FABP2: variants seen among roughly 807,000 people sequenced by gnomAD.
FABP2 encodes fatty acid binding protein 2, also known as fatty acid-binding protein, intestinal.
Under a neutral mutation model 16.1 loss-of-function variants are expected in FABP2, and 11 were observed. That is an observed-to-expected ratio of 0.68 (90% confidence interval 0.43 to 1.13). The LOEUF (loss-of-function observed/expected upper bound fraction) is 1.13, where lower values mean the gene tolerates loss of function less well. Ranked by LOEUF, FABP2 falls within the 50% of genes most tolerant of loss-of-function variation. The pLI is 0.00. For missense variants in FABP2, 146 were observed against 155.1 expected (o/e 0.94, Z 0.31); for synonymous variants, 45 against 50.9 (o/e 0.88, Z 0.49).
rs544830499 is a variant in FABP2, at chr4:119,318,770, A to G, written c.*271T>C. The G allele has an allele frequency of 5.9e-4, 191 of 323,886 alleles. No individual in the cohort carries two copies. Among genetic ancestry groups the G allele is most frequent in the Non-Finnish European group, 4.6e-4 (82 of 177,204 alleles). The allele number at this position is 323,886 out of a possible 1,614,324, so 20.1% of individuals were successfully genotyped here. On this transcript the variant is annotated 3_prime_UTR_variant, in exon 4 of 4. Coordinates refer to ENST00000274024, the MANE Select transcript of FABP2 (RefSeq NM_000134.4). ...ACTTTTTCTTTTAAAAGGCAAGGCT[A>G]CATATAAAGCAACATGGACGCAATA... is the stretch of plus-strand genomic sequence containing the variant.
chr4:119,319,458 C>G, intron 3 of FABP2, 78 bp downstream of exon 3: 1 of 773,700 alleles, frequency 1.3e-6, no homozygotes, highest in South Asian at 1.6e-5. Context: ...TACTGAAGAT[C>G]TGGCTCAGCA....
intron 2 of FABP2, 59 bp downstream of exon 2, chr4:119,320,611 A>G (rs1755650339): frequency 3.0e-6 from 4 of 1,331,604 alleles, no homozygotes; most frequent in East Asian, 5.0e-5. Context: ...AGCAGAAATC[A>G]TTTTAATATT....
At chr4:119,321,375 A>G (rs1211548714) in intron 1 of FABP2, among the ~76,000 whole-genome samples, 1 of 152,120 alleles carries the variant, frequency 6.6e-6, no homozygotes, top group African/African-American at 2.4e-5. Context: ...AGAATCTACA[A>G]CTTTTATAAA....
chr4:119,321,023 G>C (rs1755660916), intron 1 of FABP2, among the ~76,000 whole-genome samples, 181 bp from the exon 2 acceptor site: 1 of 152,082 alleles, frequency 6.6e-6, no homozygotes. Flanking sequence ...CAAGAGAACT[G>C]ATTAAAGTTG....
Position 119,322,024 on chromosome 4 carries a change from T to G in FABP2, c.67+12A>C, listed in dbSNP as rs143646312. 8.7e-6 allele frequency: 14 copies of G among 1,606,326 alleles called. No individual in the cohort carries two copies. The highest frequency in any genetic ancestry group is 1.2e-5 in the Non-Finnish European group (14 of 1,174,614). On this transcript the variant is annotated intron_variant, in intron 1 of 3. Coordinates refer to ENST00000274024, the MANE Select transcript of FABP2 (RefSeq NM_000134.4). ...AAGCAAAGAATGAGCCACAAAGAAA[T>G]AAAGTCTTTACCCATTTTTTCCATG...
Position 119,318,355 on chromosome 4 carries a change from AC to A in FABP2, c.*685del, listed in dbSNP as rs1755612705. 6.6e-6 allele frequency: 1 copy of A among 151,984 alleles called. No individual in the cohort carries two copies. The highest frequency in any genetic ancestry group is 2.1e-4 in the South Asian group (1 of 4,824). 9.4% of individuals were successfully genotyped at this position (151,984 alleles called of 1,614,324 possible). A position where few individuals can be genotyped will look rare whatever the true frequency, so the allele number is the denominator to read the frequency against. On this transcript the variant is annotated 3_prime_UTR_variant, in exon 4 of 4. Coordinates refer to ENST00000274024, the MANE Select transcript of FABP2 (RefSeq NM_000134.4). ...ATTTTTATAATAATAGATATTACTT[AC>A]AACCAGTGCCAGAAAATTATTCACA...
intron 1 of FABP2, among the ~76,000 whole-genome samples, chr4:119,321,104 A>G (rs1269247955): frequency 1.3e-5 from 2 of 152,140 alleles, no homozygotes; most frequent in East Asian, 3.8e-4. Context: ...CAACCTTAAT[A>G]AGATTAACAA....
In FABP2 at chr4:119,319,581, G is replaced by A. The variant is rs142314485; in HGVS notation, c.303C>T (p.Asn101=). The A allele has an allele frequency of 4.5e-5, 69 of 1,549,552 alleles. No homozygotes were observed. Among genetic ancestry groups the A allele is most frequent in the South Asian group, 4.0e-4 (33 of 83,504 alleles). Residue 101 remains asparagine, a synonymous_variant, in exon 3 of 4, where the codon AAC becomes AAT. Transcript: ENST00000274024. ...TAATTTCTCGGACAGTATTCAGTTC[G>A]TTTCCATTGTCTGTCCGTTTGAATT... ...IGKFKRTDNG[N]ELNTVREIIG... is the part of the protein sequence containing the mutation.
intron 1 of FABP2, 45 bp from the exon 2 acceptor site, chr4:119,320,887 G>A (rs1755657942): frequency 2.8e-6 from 4 of 1,444,960 alleles, no homozygotes; most frequent in Non-Finnish European, 2.8e-6. Context: ...AAATCCCATA[G>A]GAAGTGTTTA....
chr4:119,319,773 A>G (rs545904124), intron 2 of FABP2, 130 bp from the exon 3 acceptor site: 1 of 355,350 alleles, frequency 2.8e-6, no homozygotes, highest in African/African-American at 2.1e-5. Context: ...TATGAAACTG[A>G]TACTATTATC....
rs191253153 is a variant in FABP2 at position 119,320,925 on chromosome 4, A to G, written c.68-83T>C. Reference sequence around the variant, plus strand: ...TTTCCAAGTTATGTTTTGTTTGTTTATTTTGAGGGTGGGAAGAAAACTCGG... The same window carrying G: ...TTTCCAAGTTATGTTTTGTTTGTTTGTTTTGAGGGTGGGAAGAAAACTCGG... On this transcript the variant is annotated intron_variant, in intron 1 of 3. Coordinates refer to ENST00000274024, the MANE Select transcript of FABP2 (RefSeq NM_000134.4). 170 of 1,226,000 alleles carry G rather than the reference A, an allele frequency of 1.4e-4. 1 individual carries two copies. The African/African-American group carries it at 2.6e-3, about 18-fold the overall frequency. 75.9% of individuals were successfully genotyped at this position (1,226,000 alleles called of 1,614,324 possible). A position where few individuals can be genotyped will look rare whatever the true frequency, so the allele number is the denominator to read the frequency against.
chr4:119,318,017 T>C lies in FABP2; in HGVS notation c.*1024A>G, dbSNP rs1306581975. On this transcript the variant is annotated 3_prime_UTR_variant, in exon 4 of 4. Transcript: ENST00000274024. ...GGTTCTATTAGCGATTCTGATATAATAGAATAACAGTGGAGATTAAGAATG... is the reference window on the plus strand; with the variant it reads ...GGTTCTATTAGCGATTCTGATATAACAGAATAACAGTGGAGATTAAGAATG... The C allele has an allele frequency of 6.6e-6, 1 of 152,098 alleles. No homozygotes were observed. The highest frequency in any genetic ancestry group is 1.5e-5 in the Non-Finnish European group (1 of 67,982). 9.4% of individuals were successfully genotyped at this position (152,098 alleles called of 1,614,324 possible). A position where few individuals can be genotyped will look rare whatever the true frequency, so the allele number is the denominator to read the frequency against.
chr4:119,318,243 G>A lies in FABP2; in HGVS notation c.*798C>T, dbSNP rs1755611275. 1 of 151,980 alleles carries A rather than the reference G, an allele frequency of 6.6e-6. No individual in the cohort carries two copies. Among genetic ancestry groups the A allele is most frequent in the African/African-American group, 2.4e-5 (1 of 41,394 alleles). 9.4% of individuals were successfully genotyped at this position (151,980 alleles called of 1,614,324 possible). ...AGAGGATATCTATCAAAATCAGAATGGCAATTATCTCTGGATTATGAGTTA... is the reference window on the plus strand; with the variant it reads ...AGAGGATATCTATCAAAATCAGAATAGCAATTATCTCTGGATTATGAGTTA... On this transcript the variant is annotated 3_prime_UTR_variant, in exon 4 of 4. Transcript: ENST00000274024.
Position 119,319,075 on chromosome 4 carries a change from C to G in FABP2, c.365G>C (p.Gly122Ala), listed in dbSNP as rs777692826. The change falls in exon 4 of 4, where the codon GGA becomes GCA. Residue 122 changes from glycine to alanine, a missense_variant. Coordinates refer to ENST00000274024, the MANE Select transcript of FABP2 (RefSeq NM_000134.4). The part of the protein sequence containing the change: ...DELVQTYVYE[G>A]VEAKRIFKKD ...TTTAAAGATCCTTTTGGCTTCTACT[C>G]CTTCATATACATAAGTCTGAAAGGT... 6.2e-7 allele frequency: 1 copy of G among 1,601,086 alleles called. No homozygotes were observed. Among genetic ancestry groups the G allele is most frequent in the Non-Finnish European group, 8.5e-7 (1 of 1,174,302 alleles).
rs1380767583 is a variant in FABP2, at chr4:119,317,869, CA to C, written c.*1171del. 6.6e-6 allele frequency: 1 copy of C among 151,836 alleles called. No homozygotes were observed. Among genetic ancestry groups the C allele is most frequent in the East Asian group, 1.9e-4 (1 of 5,192 alleles). 9.4% of individuals were successfully genotyped at this position (151,836 alleles called of 1,614,324 possible). On this transcript the variant is annotated 3_prime_UTR_variant, in exon 4 of 4. Coordinates refer to ENST00000274024, the MANE Select transcript of FABP2 (RefSeq NM_000134.4). ...ATGTATGTGTTTATGTGAAAAAACC[CA>C]CAACAACAAAAAAGAAGGGGGTGGT...
chr4:119,318,924 T>C lies in FABP2; in HGVS notation c.*117A>G. 1 of 731,904 alleles carries C rather than the reference T, an allele frequency of 1.4e-6. No homozygotes were observed. Among genetic ancestry groups the C allele is most frequent in the Non-Finnish European group, 2.2e-6 (1 of 446,256 alleles). 45.3% of individuals were successfully genotyped at this position (731,904 alleles called of 1,614,324 possible). A position where few individuals can be genotyped will look rare whatever the true frequency, so the allele number is the denominator to read the frequency against. On this transcript the variant is annotated 3_prime_UTR_variant, in exon 4 of 4. Coordinates refer to ENST00000274024, the MANE Select transcript of FABP2 (RefSeq NM_000134.4). Reference sequence around the variant, plus strand: ...GGCATGAATGGAAATATACCAATGTTTATAAAAGGACCAATCAATCAGTAA... The same window carrying C: ...GGCATGAATGGAAATATACCAATGTCTATAAAAGGACCAATCAATCAGTAA...
intron 2 of FABP2, 95 bp downstream of exon 2, chr4:119,320,575 A>G: frequency 1.0e-6 from 1 of 998,538 alleles, no homozygotes; most frequent in Non-Finnish European, 1.4e-6. Flanking sequence ...GGAGACCTGC[A>G]TTAATTAAAC....
rs563280187 is a variant in FABP2, at chr4:119,319,681, G to A, written c.241-38C>T. On this transcript the variant is annotated intron_variant, in intron 2 of 3. Transcript: ENST00000274024. ...AATAATAATAATAATAATAATAATG[G>A]CATTTATTAGGGTCTTACACATGTC... 4.9e-5 allele frequency: 28 copies of A among 574,772 alleles called. 1 individual carries two copies. The highest frequency in any genetic ancestry group is 6.3e-5 in the Non-Finnish European group (26 of 412,184). 35.6% of individuals were successfully genotyped at this position (574,772 alleles called of 1,614,324 possible).
chr4:119,319,021 C>T lies in FABP2; in HGVS notation c.*20G>A. ...TCTTCTGTCCAATTTGTATTTTGGA[C>T]TGTGCGCCAAGAATAATGCTCAATC... On this transcript the variant is annotated 3_prime_UTR_variant, in exon 4 of 4. Coordinates refer to ENST00000274024, the MANE Select transcript of FABP2 (RefSeq NM_000134.4). 6.3e-7 allele frequency: 1 copy of T among 1,581,782 alleles called. No individual in the cohort carries two copies. Among genetic ancestry groups the T allele is most frequent in the Non-Finnish European group, 8.6e-7 (1 of 1,163,694 alleles).
Sources: allele counts gnomAD v4.1 joint callset (sites outside exome capture counted in the v4.1 genomes callset), GRCh38; gene constraint gnomAD v4.1.1; transcripts MANE v1.5; gene names NCBI Gene and HGNC (gene_info 2026-07-23, HGNC 2026-07-21).